PTPRJ: variants seen among roughly 807,000 people sequenced by gnomAD.
PTPRJ encodes the protein protein tyrosine phosphatase receptor type J.
In PTPRJ, 129 loss-of-function variants were observed where a neutral mutation model predicts 141.3. That is an observed-to-expected ratio of 0.91 (90% CI 0.79 to 1.06). The LOEUF (loss-of-function observed/expected upper bound fraction) is 1.06, where lower values mean the gene tolerates loss of function less well. Ranked by LOEUF, PTPRJ falls within the 50% of genes least tolerant of loss-of-function variation. PTPRJ has a pLI of 0.00. For missense variants in PTPRJ, 1,601 were observed against 1,679.7 expected, an observed-to-expected ratio of 0.95 and a Z score of 0.82; for synonymous variants, 610 against 640.5, an observed-to-expected ratio of 0.95 and a Z score of 0.72.
intron 1 of PTPRJ, among the ~76,000 whole-genome samples, chr11:48,059,976 C>A (rs1854874845): frequency 1.3e-5 from 2 of 152,134 alleles, no homozygotes; most frequent in Admixed American, 1.3e-4. Flanking sequence ...GAACTTTGAG[C>A]ATGGTGAATG....
At chr11:47,997,717 A>G (rs1854380984) in intron 1 of PTPRJ, among the ~76,000 whole-genome samples, 1 of 152,046 alleles carries the variant, frequency 6.6e-6, no homozygotes, top group Non-Finnish European at 1.5e-5. Flanking sequence ...ATTTATTAGG[A>G]GCTTTGAGAC....
intron 1 of PTPRJ, among the ~76,000 whole-genome samples, chr11:48,013,914 G>T: frequency 6.6e-6 from 1 of 151,330 alleles, no homozygotes; most frequent in Admixed American, 6.6e-5. Flanking sequence ...TATTCATGTG[G>T]CCCTGGGGGT....
At chr11:48,028,011 T>C (rs1474886249) in intron 1 of PTPRJ, among the ~76,000 whole-genome samples, 1 of 151,998 alleles carries the variant, frequency 6.6e-6, no homozygotes, top group East Asian at 1.9e-4. Context: ...GAGGCTCCTC[T>C]AGTGAAAGAA....
At chr11:48,024,093 C>G (rs942199251) in intron 1 of PTPRJ, among the ~76,000 whole-genome samples, 3 of 152,100 alleles carry the variant, frequency 2.0e-5, no homozygotes, top group Admixed American at 1.3e-4. Context: ...ACATTCCTCC[C>G]ACACTTACAG....
intron 1 of PTPRJ, among the ~76,000 whole-genome samples, chr11:48,029,284 C>T (rs183998645): frequency 3.3e-5 from 5 of 152,310 alleles, no homozygotes; most frequent in Admixed American, 2.6e-4. Flanking sequence ...ATTACTTTTC[C>T]CTTTTCAGAG....
At chr11:48,080,407 C>T (rs1855527346) in intron 1 of PTPRJ, among the ~76,000 whole-genome samples, 1 of 152,132 alleles carries the variant, frequency 6.6e-6, no homozygotes, top group South Asian at 2.1e-4. Flanking sequence ...TTAGAAAGGC[C>T]AACTTGCCTG....
intron 1 of PTPRJ, among the ~76,000 whole-genome samples, chr11:48,071,607 C>CATTT (rs777790920): frequency 8.5e-5 from 7 of 82,440 alleles, no homozygotes; most frequent in Non-Finnish European, 1.5e-4. Flanking sequence ...CGCACCCAGC[C>CATTT]TTTTTTTTTT....
chr11:48,123,902 T>TACTGGTTCTTACTTTC, intron 5 of PTPRJ, 32 bp downstream of exon 5: 1 of 1,576,510 alleles, frequency 6.3e-7, no homozygotes, highest in Non-Finnish European at 8.6e-7. Context: ...CCGTCTCCCT[T>TACTGGTTCTTACTTTC]ACTGGTTCTT....
intron 1 of PTPRJ, among the ~76,000 whole-genome samples, chr11:48,004,693 G>A (rs2134193666): frequency 6.6e-6 from 1 of 152,322 alleles, no homozygotes; most frequent in South Asian, 2.1e-4. Flanking sequence ...GGTACAGTGA[G>A]AGGTCTTGCT....
In PTPRJ at chr11:48,130,651, T is replaced by C; in HGVS notation, c.1550T>C (p.Phe517Ser). Reference sequence around the variant, plus strand: ...TTGTTCCCTGGAACCAAGTATTGCTTTGAAATAGTTCCAAAAGGACCAAAT... The same window carrying C: ...TTGTTCCCTGGAACCAAGTATTGCTCTGAAATAGTTCCAAAAGGACCAAAT... Reference protein sequence around the residue: ...GGLFPGTKYCFEIVPKGPNGT... With the variant: ...GGLFPGTKYCSEIVPKGPNGT... The change falls in exon 8 of 25, where the codon TTT becomes TCT. Residue 517 changes from phenylalanine to serine, a missense_variant. By Grantham distance (155) the Phe-to-Ser change is radical (BLOSUM62 -2). Transcript: ENST00000418331. 6.2e-7 allele frequency: 1 copy of C among 1,613,998 alleles called. No homozygotes were observed. Among genetic ancestry groups the C allele is most frequent in the Non-Finnish European group, 8.5e-7 (1 of 1,179,942 alleles).
intron 8 of PTPRJ, chr11:48,131,620 A>G: frequency 2.7e-6 from 2 of 740,516 alleles, no homozygotes; most frequent in Non-Finnish European, 5.0e-6. Flanking sequence ...ATAAAGTTTT[A>G]TTGGATCACA....
chr11:48,146,140 T>A (rs1031901043), intron 14 of PTPRJ, among the ~76,000 whole-genome samples: 20 of 152,198 alleles, frequency 1.3e-4, no homozygotes, highest in African/African-American at 4.8e-4. Flanking sequence ...CTCTGCCTGC[T>A]TTTTGGAAGT....
At chr11:48,057,508 C>A (rs1347030930) in intron 1 of PTPRJ, among the ~76,000 whole-genome samples, 1 of 152,022 alleles carries the variant, frequency 6.6e-6, no homozygotes, top group Non-Finnish European at 1.5e-5. Flanking sequence ...GTGGATGTAC[C>A]AGGCCAGTCA....
At chr11:48,046,234 G>A (rs1049072086) in intron 1 of PTPRJ, 34 of 152,106 alleles carry the variant, frequency 2.2e-4, no homozygotes, top group African/African-American at 8.2e-4. Context: ...TTTTAGTAGA[G>A]ATGGGGTTTT....
In PTPRJ at chr11:48,137,172, C is replaced by T. The variant is rs140686417; in HGVS notation, c.2043C>T (p.Asp681=). ...TAGTCACGGACATTGGAATTACTGACGCTACAGTCACTGAATTAATACCTG... is the reference window on the plus strand; with the variant it reads ...TAGTCACGGACATTGGAATTACTGATGCTACAGTCACTGAATTAATACCTG... ...TQVVTDIGIT[D]ATVTELIPGS... Residue 681 remains aspartate (D), a synonymous_variant, in exon 10 of 25, where the codon GAC becomes GAT. Transcript: ENST00000418331. The T allele has an allele frequency of 3.7e-5, 59 of 1,612,840 alleles. No homozygotes were observed. The highest frequency in any genetic ancestry group is 2.0e-4 in the South Asian group (18 of 91,054).
chr11:48,045,363 A>G (rs764556476), intron 1 of PTPRJ, among the ~76,000 whole-genome samples: 58 of 152,100 alleles, frequency 3.8e-4, no homozygotes, highest in Non-Finnish European at 2.5e-4. Context: ...ACCCTGGACT[A>G]TGAATATGGA....
At chr11:48,084,986 GAC>G (rs1855660209) in intron 1 of PTPRJ, among the ~76,000 whole-genome samples, 1 of 152,160 alleles carries the variant, frequency 6.6e-6, no homozygotes, top group Admixed American at 6.5e-5. Flanking sequence ...AAAGTTCACC[GAC>G]ACAGTTTCAC....
Position 48,167,569 on chromosome 11 carries a change from C to G in PTPRJ, c.*207C>G. On this transcript the variant is annotated 3_prime_UTR_variant, in exon 25 of 25. Transcript: ENST00000418331. ...TGTGGATGGGTGGGGAGCAAATCAT[C>G]TGCATTCCTGATGACCAATGGGATG... 2.2e-6 allele frequency: 1 copy of G among 453,794 alleles called. No individual in the cohort carries two copies. Among genetic ancestry groups the G allele is most frequent in the Non-Finnish European group, 3.7e-6 (1 of 267,618 alleles). The allele number at this position is 453,794 out of a possible 1,614,324, so 28.1% of individuals were successfully genotyped here.
chr11:47,983,313 G>A (rs1462551473), intron 1 of PTPRJ, among the ~76,000 whole-genome samples: 2 of 152,172 alleles, frequency 1.3e-5, no homozygotes, highest in African/African-American at 4.8e-5. Flanking sequence ...TATTTCTGAA[G>A]TTTGTTTAGG....
Sources: allele counts gnomAD v4.1 joint callset (sites outside exome capture counted in the v4.1 genomes callset), GRCh38; gene constraint gnomAD v4.1.1; transcripts MANE v1.5; gene names NCBI Gene and HGNC (gene_info 2026-07-23, HGNC 2026-07-21).